Variants in PLEC observed in about 807,000 individuals in gnomAD.
PLEC encodes the protein plectin, also known as hemidesmosomal protein 1.
PLEC carries 216 observed loss-of-function variants against 392.8 expected under a neutral mutation model. That is an observed-to-expected ratio of 0.55 (90% CI 0.49 to 0.62). The LOEUF (loss-of-function observed/expected upper bound fraction) is 0.62, where lower values mean the gene tolerates loss of function less well. Ranked by LOEUF, PLEC falls within the 20% of genes least tolerant of loss-of-function variation. The pLI is 0.00. For missense variants in PLEC, 6,863 were observed against 6,563.4 expected, an observed-to-expected ratio of 1.05 and a Z score of -1.58; for synonymous variants, 3,621 against 2,980.6, an observed-to-expected ratio of 1.21 and a Z score of -7.00.
Position 143,931,669 on chromosome 8 carries a change from C to G in PLEC, c.2179-10G>C, listed in dbSNP as rs199830463. 6.3e-7 allele frequency: 1 copy of G among 1,596,074 alleles called. No homozygotes were observed. Among genetic ancestry groups the G allele is most frequent in the Admixed American group, 1.7e-5 (1 of 57,596 alleles). On this transcript the variant is annotated splice_polypyrimidine_tract_variant and intron_variant, in intron 18 of 31. Coordinates refer to ENST00000345136, the MANE Select transcript of PLEC (RefSeq NM_201384.3). ...GCACATCTGAGAAGAACTGGGGCAG[C>G]GGGAGGGGGTCACGCCAGGCTACCT...
intron 1 of PLEC, chr8:143,945,331 G>A (rs1831300891): frequency 4.4e-5 from 17 of 383,252 alleles, no homozygotes; most frequent in South Asian, 3.0e-4. Flanking sequence ...CACGGCAGGA[G>A]ACTGGCCTGG....
Position 143,927,474 on chromosome 8 carries a change from T to C in PLEC, c.3692A>G (p.Glu1231Gly). The C allele has an allele frequency of 6.3e-7, 1 of 1,597,180 alleles. No homozygotes were observed. Among genetic ancestry groups the C allele is most frequent in the Admixed American group, 1.7e-5 (1 of 59,782 alleles). ...AWLQDARRRQ[E>G]QIQAMPLADS... ...GGCCAGCGGCATGGCCTGGATCTGC[T>C]CCTGCCGCCGCCTGGCGTCCTGCAG... Residue 1231 changes from glutamate to glycine, a missense_variant, in exon 27 of 32, where the codon GAG becomes GGG. Physicochemically the swap from Glu to Gly is moderately conservative, Grantham distance 98. Coordinates refer to ENST00000345136, the MANE Select transcript of PLEC (RefSeq NM_201384.3).
intron 1 of PLEC, among the ~76,000 whole-genome samples, chr8:143,961,673 T>C (rs568432480): frequency 6.6e-6 from 1 of 152,338 alleles, no homozygotes; most frequent in African/African-American, 2.4e-5. Flanking sequence ...ATGGTTTCCA[T>C]ACAGGGGAAT....
In PLEC at chr8:143,963,498, G is replaced by C. The variant is rs563295237; in HGVS notation, c.70+9905C>G. 3.3e-5 allele frequency among the ~76,000 whole-genome samples: 5 copies of C among 152,186 alleles called. No individual in the cohort carries two copies. In the South Asian group the frequency reaches 6.2e-4, roughly 19 times the overall value. ...TTATATTTCTCCCTTTGGGAATGGT[G>C]ATGTCTAGTCTATGCCTAGCCCAAC... On this transcript the variant is annotated intron_variant, in intron 1 of 31. Transcript: ENST00000356346.
At position 143,924,354 on chromosome 8, in the gene PLEC, T is replaced by C. The variant is rs1435085245; in HGVS notation, c.5575A>G (p.Lys1859Glu). ...CGCAGGCGCTCGTTCTCCGCCTCCT[T>C]CTCCTTGAGCGCGATCTCCGCCTCC... ...KTEAEIALKE[K>E]EAENERLRRL... The change falls in exon 31 of 32, where the codon AAG becomes GAG. Residue 1859 changes from lysine to glutamate, a missense_variant. Physicochemically the swap from Lys to Glu is moderately conservative, Grantham distance 56. Coordinates refer to ENST00000345136, the MANE Select transcript of PLEC (RefSeq NM_201384.3). 9.4e-6 allele frequency: 15 copies of C among 1,596,588 alleles called. No homozygotes were observed. The highest frequency in any genetic ancestry group is 1.3e-5 in the African/African-American group (1 of 74,666).
rs374712759 is a variant in PLEC at position 143,931,952 on chromosome 8, G to A, written c.2163C>T (p.Asn721=). 4.7e-5 allele frequency: 76 copies of A among 1,606,846 alleles called. 1 individual carries two copies. In the African/African-American group the frequency reaches 6.3e-4, roughly 13 times the overall value. The change falls in exon 18 of 32, where the codon AAC becomes AAT. Residue 721 remains asparagine (N), a synonymous_variant. Transcript: ENST00000345136. ...CCCIEAHLKE[N]AAYFQFFSDV... ...CGGTTCTCACCTGAAAGTAGGCAGC[G>A]TTCTCCTTCAGGTGTGCCTCGATAC...
chr8:143,921,436 G>A lies in PLEC; in HGVS notation c.8385C>T (p.Gly2795=), dbSNP rs1822658207. 3.7e-6 allele frequency: 6 copies of A among 1,613,440 alleles called. No homozygotes were observed. The highest frequency in any genetic ancestry group is 2.2e-5 in the East Asian group (1 of 44,872). The change falls in exon 32 of 32, where the codon GGC becomes GGT. Residue 2795 remains glycine, a synonymous_variant. Transcript: ENST00000345136. ...QISLFQAMQK[G]LIVREHGIRL... ...GGATGCCGTGCTCCCGGACGATGAG[G>A]CCCTTCTGCATGGCTTGGAAGAGAG...
intron 1 of PLEC, among the ~76,000 whole-genome samples, chr8:143,966,234 A>G (rs1833083105): frequency 6.6e-6 from 1 of 152,066 alleles, no homozygotes; most frequent in Admixed American, 6.5e-5. Flanking sequence ...ACAGCTGCCC[A>G]CTGCTCTGCT....
chr8:143,943,102 G>A (rs1270413270), upstream of PLEC, among the ~76,000 whole-genome samples: 1 of 152,230 alleles, frequency 6.6e-6, no homozygotes, highest in Non-Finnish European at 1.5e-5. Context: ...ACGCCTAGAA[G>A]CCCCATCTTG....
Position 143,926,820 on chromosome 8 carries a change from G to C in PLEC, c.4008C>G (p.Phe1336Leu). The C allele has an allele frequency of 6.2e-7, 1 of 1,613,926 alleles. No homozygotes were observed. The highest frequency in any genetic ancestry group is 8.5e-7 in the Non-Finnish European group (1 of 1,179,994). Residue 1336 changes from phenylalanine (F) to leucine (L), a missense_variant, in exon 30 of 32, where the codon TTC becomes TTG. Physicochemically the swap from Phe to Leu is conservative, Grantham distance 22. Coordinates refer to ENST00000345136, the MANE Select transcript of PLEC (RefSeq NM_201384.3). The part of the protein sequence containing the change: ...LTTLTSQYIK[F>L]ISETLRRMEE... ...CCATGCGCCGCAGAGTCTCGCTGAT[G>C]AACTTGATGTACTGGCTCGTCAGTG... is the stretch of plus-strand genomic sequence containing the variant.
Position 143,920,040 on chromosome 8 carries a change from A to C in PLEC, c.9781T>G (p.Tyr3261Asp). ...VTVWELISSE[Y>D]FTAEQRQELL... Reference sequence around the variant, plus strand: ...TCCTGCCGCTGCTCCGCAGTGAAGTACTCAGAGCTGATGAGCTCCCACACC... The same window carrying C: ...TCCTGCCGCTGCTCCGCAGTGAAGTCCTCAGAGCTGATGAGCTCCCACACC... Residue 3261 changes from tyrosine to aspartate, a missense_variant, in exon 32 of 32, where the codon TAC becomes GAC. Tyr to Asp is a radical substitution (Grantham distance 160). Coordinates refer to ENST00000345136, the MANE Select transcript of PLEC (RefSeq NM_201384.3). The C allele has an allele frequency of 6.2e-7, 1 of 1,613,236 alleles. No homozygotes were observed. The highest frequency in any genetic ancestry group is 8.5e-7 in the Non-Finnish European group (1 of 1,180,006).
Position 143,927,682 on chromosome 8 carries a change from G to A in PLEC, c.3484C>T (p.Arg1162Ter). ...ELRGAQEVGE[R>*]LQQRHGERDV... ...CGCTCCCCGTGCCGCTGCTGCAGTCGCTCCCCCACCTCCTGTGCCCCCCGC... is the reference window on the plus strand; with the variant it reads ...CGCTCCCCGTGCCGCTGCTGCAGTCACTCCCCCACCTCCTGTGCCCCCCGC... Residue 1162 changes from arginine (R) to a stop codon, truncating the protein, a stop_gained, in exon 27 of 32, where the codon CGA (arginine) becomes TGA (stop). Transcript: ENST00000345136. LOFTEE classifies it high-confidence loss of function. The A allele has an allele frequency of 1.3e-6, 2 of 1,580,720 alleles. No individual in the cohort carries two copies. Among genetic ancestry groups the A allele is most frequent in the South Asian group, 1.1e-5 (1 of 87,452 alleles).
chr8:143,971,287 G>A (rs1833416181), intron 1 of PLEC, among the ~76,000 whole-genome samples: 1 of 152,162 alleles, frequency 6.6e-6, no homozygotes, highest in South Asian at 2.1e-4. Flanking sequence ...CTCAGTGCAG[G>A]GATCAGCTGG....
chr8:143,933,476 C>T, intron 12 of PLEC, 125 bp from the exon 13 acceptor site: 1 of 1,111,754 alleles, frequency 9.0e-7, no homozygotes, highest in Non-Finnish European at 1.3e-6. Flanking sequence ...CCATCCCTGT[C>T]CTTCCCCTTC....
chr8:143,968,711 T>C (rs1299861222), intron 1 of PLEC, among the ~76,000 whole-genome samples: 1 of 152,084 alleles, frequency 6.6e-6, no homozygotes, highest in Non-Finnish European at 1.5e-5. Context: ...TACACATTTC[T>C]CAAAAGATAT....
In PLEC at chr8:143,930,316, G is replaced by A. The variant is rs372707519; in HGVS notation, c.2458-18C>T. 7.3e-5 allele frequency: 116 copies of A among 1,597,692 alleles called. No homozygotes were observed. The highest frequency in any genetic ancestry group is 1.5e-4 in the South Asian group (13 of 89,492). On this transcript the variant is annotated intron_variant, in intron 20 of 31. Transcript: ENST00000345136. ...ACAGTCACCTGGGACGGGCAGAGTC[G>A]GTGAGGACATGGCCACACCCTGCCC...
chr8:143,932,113 T>A lies in PLEC; in HGVS notation c.2082+17A>T. ...ACGGCCCCCCCCGCAGCCCCGCCCC[T>A]ACCCAGGGAGCCCCACCTCCACCGT... On this transcript the variant is annotated intron_variant, in intron 17 of 31. Coordinates refer to ENST00000345136, the MANE Select transcript of PLEC (RefSeq NM_201384.3). 1 of 1,501,222 alleles carries A rather than the reference T, an allele frequency of 6.7e-7. No individual in the cohort carries two copies. The highest frequency in any genetic ancestry group is 9.2e-7 in the Non-Finnish European group (1 of 1,092,544). The allele number at this position is 1,501,222 out of a possible 1,614,324, so 93.0% of individuals were successfully genotyped here.
intron 1 of PLEC, among the ~76,000 whole-genome samples, chr8:143,965,979 G>A (rs1554742107): frequency 2.6e-5 from 4 of 152,114 alleles, no homozygotes; most frequent in Non-Finnish European, 4.4e-5. Flanking sequence ...CTGTCCTGGA[G>A]AGGGTTCTCC....
At chr8:143,930,571 T>C (rs1390923322) in intron 19 of PLEC, 35 bp from the exon 20 acceptor site, 8 of 1,561,720 alleles carry the variant, frequency 5.1e-6, no homozygotes, top group South Asian at 4.7e-5. Flanking sequence ...ACGAGGGCCA[T>C]GGAGACCCAC....
Sources: allele counts gnomAD v4.1 joint callset (sites outside exome capture counted in the v4.1 genomes callset), GRCh38; gene constraint gnomAD v4.1.1; transcripts MANE v1.5; gene names NCBI Gene and HGNC (gene_info 2026-07-23, HGNC 2026-07-21).